Variants in DMD observed in about 807,000 individuals in gnomAD.
The protein encoded by DMD is dystrophin, also known as mutant dystrophin.
In DMD, 63 loss-of-function variants were observed where a neutral mutation model predicts 330.1. The observed-to-expected ratio is 0.19, with a 90% CI of 0.16 to 0.24. DMD has a LOEUF of 0.24. Among genes scored for constraint, DMD ranks in the 10% least tolerant of loss-of-function variants. The probability of loss-of-function intolerance (pLI) is 1.00; values close to 1 mark genes in which losing one functional copy is unlikely to be tolerated. For missense variants in DMD, 3,344 were observed against 2,684.1 expected (o/e 1.25, Z -5.43); for synonymous variants, 1,223 against 959.8 (o/e 1.27, Z -5.07).
At chrX:31,264,596 T>A (rs2050850035) in intron 62 of DMD, among the ~76,000 whole-genome samples, 2 of 112,232 alleles carry the variant, frequency 1.8e-5, no homozygotes, top group Non-Finnish European at 3.8e-5. Context: ...GCAGTATTTA[T>A]ACGAAGATTT....
intron 52 of DMD, among the ~76,000 whole-genome samples, chrX:31,723,716 T>G (rs2085775636): frequency 9.2e-6 from 1 of 108,484 alleles, no homozygotes; most frequent in Non-Finnish European, 1.9e-5. Context: ...CAGGTCTAAT[T>G]ATGTATTCTC....
At chrX:31,453,591 G>GC (rs1356580648) in intron 59 of DMD, among the ~76,000 whole-genome samples, 2 of 109,621 alleles carry the variant, frequency 1.8e-5, no homozygotes, top group Non-Finnish European at 3.8e-5. Flanking sequence ...TTTAAATAGA[G>GC]CCAAGATAGT....
intron 30 of DMD, among the ~76,000 whole-genome samples, chrX:32,404,711 T>C (rs764386248): frequency 8.9e-6 from 1 of 111,751 alleles, no homozygotes; most frequent in South Asian, 3.7e-4. Flanking sequence ...TGAAAGTATC[T>C]TTGTAATTTT....
At chrX:32,865,930 A>C (rs1412880261) in intron 2 of DMD, among the ~76,000 whole-genome samples, 1 of 112,179 alleles carries the variant, frequency 8.9e-6, no homozygotes, top group Non-Finnish European at 1.9e-5. Context: ...TCTTCTCATG[A>C]AAAGTTGGTA....
chrX:33,026,284 C>T (rs1227783934), intron 1 of DMD, among the ~76,000 whole-genome samples: 1 of 82,820 alleles, frequency 1.2e-5, no homozygotes, highest in African/African-American at 4.8e-5. Context: ...CACTGCGCTC[C>T]GGCCTGGGGG....
chrX:32,394,922 A>AACAAAAAAAAAAAC (rs1557326754), intron 30 of DMD, among the ~76,000 whole-genome samples: 30 of 22,307 alleles, frequency 1.3e-3, no homozygotes, highest in African/African-American at 3.5e-3. Flanking sequence ...AAAACAAAAA[A>AACAAAAAAAAAAAC]AAAAAAAAAA....
intron 67 of DMD, among the ~76,000 whole-genome samples, chrX:31,200,335 A>G (rs1029320729): frequency 2.7e-5 from 3 of 111,628 alleles, no homozygotes; most frequent in African/African-American, 9.8e-5. Context: ...ATGAGGTAGT[A>G]AATGTGGCGG....
In DMD at chrX:33,154,556, T is replaced by C. The variant is rs867793479; in HGVS notation, c.31+56726A>G. On this transcript the variant is annotated intron_variant, in intron 1 of 78. Coordinates refer to ENST00000357033, the MANE Select transcript of DMD (RefSeq NM_004006.3). ...CAAAGATGGATATTTAGATATACTA[T>C]GGAATATTTCACTATTCCTGTTTTA... Among the ~76,000 whole-genome samples, 22 of 111,883 alleles carry C rather than the reference T, an allele frequency of 2.0e-4. 1 individual carries two copies. Among genetic ancestry groups the C allele is most frequent in the African/African-American group, 6.8e-4 (21 of 30,851 alleles).
chrX:31,538,102 G>T (rs528471427), intron 55 of DMD, among the ~76,000 whole-genome samples: 2 of 111,553 alleles, frequency 1.8e-5, no homozygotes, highest in African/African-American at 3.3e-5. Flanking sequence ...GCCATTTTTC[G>T]TACCTTTTGT....
intron 43 of DMD, among the ~76,000 whole-genome samples, chrX:32,266,936 C>A (rs937874151): frequency 8.9e-6 from 1 of 111,868 alleles, no homozygotes; most frequent in African/African-American, 3.2e-5. Context: ...TGATCTATTT[C>A]CTGCTACATA....
At chrX:32,559,994 T>C (rs1292689995) in intron 16 of DMD, among the ~76,000 whole-genome samples, 1 of 111,396 alleles carries the variant, frequency 9.0e-6, no homozygotes, top group East Asian at 2.8e-4. Context: ...TGAGCATATG[T>C]ATTTTATCTT....
intron 50 of DMD, among the ~76,000 whole-genome samples, chrX:31,779,038 G>T (rs1242442826): frequency 1.8e-5 from 2 of 111,385 alleles, no homozygotes; most frequent in African/African-American, 6.5e-5. Flanking sequence ...ATTTGTTAGT[G>T]GTTTTGTACA....
rs113477968 is a variant in DMD, at chrX:32,278,421, A to T, written c.6290+9108T>A. ...ATTGATGCAAAAAATATTGATGCAA[A>T]ATTGATGCAGAGTGAACAGGCAACC... On this transcript the variant is annotated intron_variant, in intron 43 of 78. Transcript: ENST00000357033. Among the ~76,000 whole-genome samples, 4 of 111,507 alleles carry T rather than the reference A, an allele frequency of 3.6e-5. No homozygotes were observed. In the South Asian group the frequency reaches 1.5e-3, roughly 42 times the overall value.
At chrX:31,803,581 T>TCCAGGAAGTAA (rs1199538733) in intron 50 of DMD, among the ~76,000 whole-genome samples, 1 of 109,938 alleles carries the variant, frequency 9.1e-6, no homozygotes, top group African/African-American at 3.3e-5. Context: ...GTAACCATTC[T>TCCAGGAAGTAA]CCTGAATTTT....
At position 32,490,326 on chromosome X, in the gene DMD, AC is replaced by A. The variant is rs1208195120; in HGVS notation, c.2622+950del. On this transcript the variant is annotated intron_variant, in intron 20 of 78. Coordinates refer to ENST00000357033, the MANE Select transcript of DMD (RefSeq NM_004006.3). The stretch of plus-strand genomic sequence containing the variant: ...CACATAGCTCATAGTAACAATGAAA[AC>A]AGTTTAGGCTATTTTCATTATTATA... Among the ~76,000 whole-genome samples the A allele has an allele frequency of 3.6e-5, 4 of 111,740 alleles. No homozygotes were observed. The Admixed American group carries it at 3.8e-4, about 11-fold the overall frequency.
chrX:31,833,565 T>C (rs1404975548), intron 49 of DMD, among the ~76,000 whole-genome samples: 2 of 111,673 alleles, frequency 1.8e-5, no homozygotes, highest in African/African-American at 6.5e-5. Flanking sequence ...ATAAAGAAGT[T>C]GGTTAGTCAG....
chrX:31,981,163 T>A (rs923780628), intron 44 of DMD, among the ~76,000 whole-genome samples: 4 of 111,728 alleles, frequency 3.6e-5, no homozygotes, highest in African/African-American at 1.3e-4. Context: ...CAATGATCAA[T>A]TTAGACAATC....
At chrX:31,221,094 T>A (rs1345158072) in intron 64 of DMD, among the ~76,000 whole-genome samples, 1 of 108,769 alleles carries the variant, frequency 9.2e-6, no homozygotes, top group African/African-American at 3.4e-5. Flanking sequence ...TCCACTTATC[T>A]CCCTTACTAC....
chrX:32,967,757 C>G (rs1163388296), intron 2 of DMD, among the ~76,000 whole-genome samples: 2 of 111,263 alleles, frequency 1.8e-5, no homozygotes, highest in East Asian at 5.7e-4. Context: ...ATCTTTTTTT[C>G]CTTCCTTTAG....
Sources: allele counts gnomAD v4.1 joint callset (sites outside exome capture counted in the v4.1 genomes callset), GRCh38; gene constraint gnomAD v4.1.1; transcripts MANE v1.5; gene names NCBI Gene and HGNC (gene_info 2026-07-23, HGNC 2026-07-21).